Variants in FREM1 observed in about 807,000 individuals in gnomAD.
FREM1 encodes the protein FRAS1 related extracellular matrix 1.
Under a neutral mutation model 210.1 loss-of-function variants are expected in FREM1, and 220 were observed. The ratio of observed to expected loss-of-function variants is 1.05; its 90% confidence interval spans 0.94 to 1.17. The LOEUF (loss-of-function observed/expected upper bound fraction) is 1.17, where lower values mean the gene tolerates loss of function less well. Ranked by LOEUF, FREM1 falls within the 50% of genes most tolerant of loss-of-function variation. The pLI, the probability that FREM1 is intolerant of heterozygous loss-of-function variation, is 0.00. For missense variants in FREM1, 3,454 were observed against 2,675.5 expected, an observed-to-expected ratio of 1.29 and a Z score of -6.42; for synonymous variants, 1,189 against 980.2, an observed-to-expected ratio of 1.21 and a Z score of -3.98.
intron 15 of FREM1, among the ~76,000 whole-genome samples, chr9:14,814,011 C>A (rs1300672076): frequency 6.6e-6 from 1 of 152,154 alleles, no homozygotes; most frequent in African/African-American, 2.4e-5. Flanking sequence ...CACTCCACTC[C>A]AGTTTTATCC....
intron 23 of FREM1, among the ~76,000 whole-genome samples, chr9:14,785,048 T>G (rs1347793631): frequency 1.3e-5 from 2 of 152,210 alleles, no homozygotes; most frequent in Non-Finnish European, 2.9e-5. Flanking sequence ...GAGTCGAATG[T>G]TCACGTATAC....
At chr9:14,780,433 G>GGAAAAAAAAAAAAAAAAA (rs533265481) in intron 24 of FREM1, among the ~76,000 whole-genome samples, 1 of 81,536 alleles carries the variant, frequency 1.2e-5, no homozygotes, top group African/African-American at 4.3e-5. Context: ...CAGCTCCTCA[G>GGAAAAAAAAAAAAAAAAA]AAAAAAAAAA....
intron 5 of FREM1, among the ~76,000 whole-genome samples, chr9:14,855,851 T>C (rs950536271): frequency 2.0e-5 from 3 of 151,746 alleles, no homozygotes; most frequent in Non-Finnish European, 2.9e-5. Flanking sequence ...AATGAGAAAA[T>C]TTGATCAAAA....
rs141931516 is a variant in FREM1, at chr9:14,851,669, G to T, written c.829-62C>A. 9.0e-6 allele frequency: 11 copies of T among 1,217,252 alleles called. No homozygotes were observed. The African/African-American group carries it at 1.2e-4, about 13-fold the overall frequency. The allele number at this position is 1,217,252 out of a possible 1,614,324, so 75.4% of individuals were successfully genotyped here. ...ATATGAATGAGGTGATATCATACAG[G>T]GCTAATAGCATAATATTTAATACAG... On this transcript the variant is annotated intron_variant, in intron 5 of 36. Coordinates refer to ENST00000380880, the MANE Select transcript of FREM1 (RefSeq NM_001379081.2).
Position 14,750,409 on chromosome 9 carries a change from C to G in FREM1, c.5408-133G>C, listed in dbSNP as rs1843141521. ...GTGAGCTATTGTACTGCTACCAACT[C>G]ACTGAAGTCCTGCTGTTCTCCCAAA... is the stretch of plus-strand genomic sequence containing the variant. On this transcript the variant is annotated intron_variant, in intron 29 of 36. Coordinates refer to ENST00000380880, the MANE Select transcript of FREM1 (RefSeq NM_001379081.2). 5 of 610,704 alleles carry G rather than the reference C, an allele frequency of 8.2e-6. No homozygotes were observed. The South Asian group carries it at 1.2e-4, about 15-fold the overall frequency. 37.8% of individuals were successfully genotyped at this position (610,704 alleles called of 1,614,324 possible).
intron 1 of FREM1, among the ~76,000 whole-genome samples, chr9:14,876,224 T>C (rs1033762492): frequency 2.0e-5 from 3 of 152,046 alleles, no homozygotes; most frequent in Non-Finnish European, 4.4e-5. Flanking sequence ...GACAGGGACA[T>C]TTAAGTCTGC....
chr9:14,844,931 C>T lies in FREM1; in HGVS notation c.1393+1029G>A, dbSNP rs180784126. Among the ~76,000 whole-genome samples, 30 of 152,270 alleles carry T rather than the reference C, an allele frequency of 2.0e-4. 1 individual carries two copies. In the South Asian group the frequency reaches 3.9e-3, roughly 20 times the overall value. Reference sequence around the variant, plus strand: ...CACTTGGATTTCTCTTACATACAAGCGAACACCCAACCTGACTGGTATACC... The same window carrying T: ...CACTTGGATTTCTCTTACATACAAGTGAACACCCAACCTGACTGGTATACC... On this transcript the variant is annotated intron_variant, in intron 8 of 36. Coordinates refer to ENST00000380880, the MANE Select transcript of FREM1 (RefSeq NM_001379081.2).
At chr9:14,780,483 G>A (rs575447575) in intron 24 of FREM1, among the ~76,000 whole-genome samples, 3 of 141,442 alleles carry the variant, frequency 2.1e-5, no homozygotes, top group East Asian at 2.1e-4. Context: ...GAGGACATTA[G>A]CATGTTCTTT....
chr9:14,749,680 G>T (rs1843005904), intron 30 of FREM1, among the ~76,000 whole-genome samples: 1 of 152,160 alleles, frequency 6.6e-6, no homozygotes, highest in African/African-American at 2.4e-5. Context: ...AAATTCCCAA[G>T]CCAGCTGCAT....
At chr9:14,751,486 A>G (rs929137769) in intron 29 of FREM1, among the ~76,000 whole-genome samples, 1 of 152,056 alleles carries the variant, frequency 6.6e-6, no homozygotes. Context: ...CCATCTCTAC[A>G]ATAAAACAAA....
intron 28 of FREM1, 114 bp from the exon 29 acceptor site, chr9:14,756,560 T>A: frequency 1.5e-6 from 1 of 679,728 alleles, no homozygotes; most frequent in Non-Finnish European, 2.3e-6. Flanking sequence ...GTTTTTAATA[T>A]TAGGTAGGGT....
intron 24 of FREM1, among the ~76,000 whole-genome samples, chr9:14,783,427 A>C (rs1849934852): frequency 6.6e-6 from 1 of 152,234 alleles, no homozygotes; most frequent in Non-Finnish European, 1.5e-5. Context: ...GACGTGGTGA[A>C]AATTGCACCA....
chr9:14,807,901 G>T, intron 17 of FREM1, 39 bp downstream of exon 17: 1 of 1,444,996 alleles, frequency 6.9e-7, no homozygotes, highest in Non-Finnish European at 9.7e-7. Flanking sequence ...ATGACACTAG[G>T]TCAGACAATA....
intron 16 of FREM1, among the ~76,000 whole-genome samples, chr9:14,812,246 A>G (rs1055308540): frequency 2.0e-5 from 3 of 152,240 alleles, no homozygotes; most frequent in Non-Finnish European, 4.4e-5. Context: ...GGGTGACAAC[A>G]TAAAGCAATG....
At chr9:14,823,688 T>G (rs1821796935) in intron 12 of FREM1, among the ~76,000 whole-genome samples, 1 of 152,148 alleles carries the variant, frequency 6.6e-6, no homozygotes, top group African/African-American at 2.4e-5. Flanking sequence ...TTGTCAGCCC[T>G]TGGAAACTAA....
chr9:14,764,750 C>A (rs906637165), intron 27 of FREM1, among the ~76,000 whole-genome samples: 28 of 152,248 alleles, frequency 1.8e-4, no homozygotes, highest in Non-Finnish European at 3.8e-4. Flanking sequence ...TGTTGAGACA[C>A]CCGGTCCTGG....
intron 1 of FREM1, among the ~76,000 whole-genome samples, chr9:14,904,268 G>A (rs1004353593): frequency 6.6e-5 from 10 of 152,056 alleles, no homozygotes; most frequent in Non-Finnish European, 1.0e-4. Context: ...CTTATAGCTC[G>A]TTTTTGGTTC....
rs79775814 is a variant in FREM1 at position 14,867,479 on chromosome 9, C to G, written c.234+1265G>C. On this transcript the variant is annotated intron_variant, in intron 2 of 36. Coordinates refer to ENST00000380880, the MANE Select transcript of FREM1 (RefSeq NM_001379081.2). ...ACTGACGATAAAATCTTACAAGCAA[C>G]TAGGCAGAGACATTTGGTTACTACC... 5.9e-5 allele frequency among the ~76,000 whole-genome samples: 9 copies of G among 152,284 alleles called. No homozygotes were observed. In the East Asian group the frequency reaches 1.7e-3, roughly 29 times the overall value.
intron 1 of FREM1, among the ~76,000 whole-genome samples, chr9:14,877,491 C>G (rs1833984971): frequency 6.7e-6 from 1 of 150,138 alleles, no homozygotes; most frequent in Non-Finnish European, 1.5e-5. Flanking sequence ...ATTCCAGTCT[C>G]CTAGTATCCA....
Sources: gnomAD v4.1 joint callset for allele counts (sites outside exome capture counted in the v4.1 genomes callset) on GRCh38, gnomAD v4.1.1 for gene constraint, MANE v1.5 for transcripts, NCBI Gene and HGNC (gene_info 2026-07-23, HGNC 2026-07-21) for gene names.